RWDD4: variants seen among roughly 807,000 people sequenced by gnomAD.
The protein encoded by RWDD4 is RWD domain containing 4, also known as RWD domain-containing protein 4.
Under a neutral mutation model 30.0 loss-of-function variants are expected in RWDD4, and 16 were observed. The ratio of observed to expected loss-of-function variants is 0.53; its 90% CI spans 0.36 to 0.81. RWDD4 has a LOEUF of 0.81. Ranked by LOEUF, RWDD4 falls within the 30% of genes least tolerant of loss-of-function variation. The probability of loss-of-function intolerance (pLI) is 0.00; values close to 1 mark genes in which losing one functional copy is unlikely to be tolerated. For synonymous variants in RWDD4, 45 were observed against 72.1 expected (o/e 0.62, Z 1.90); for missense variants, 170 against 223.9 (o/e 0.76, Z 1.54).
At chr4:183,650,722 G>A (rs1734056738) in intron 4 of RWDD4, among the ~76,000 whole-genome samples, 2 of 150,340 alleles carry the variant, frequency 1.3e-5, no homozygotes, top group South Asian at 4.2e-4. Context: ...AAAATACTAG[G>A]TTCTATGATA....
chr4:183,656,076 T>C (rs947775765), intron 1 of RWDD4, 115 bp from the exon 2 acceptor site: 81 of 667,524 alleles, frequency 1.2e-4, no homozygotes, highest in Non-Finnish European at 1.7e-4. Context: ...CTAACTTATA[T>C]AACCTTAGAT....
rs552399775 is a variant in RWDD4, at chr4:183,642,680, C to G, written c.535-1212G>C. Among the ~76,000 whole-genome samples, 544 of 152,314 alleles carry G rather than the reference C, an allele frequency of 3.6e-3. 1 individual carries two copies. Among genetic ancestry groups the G allele is most frequent in the Non-Finnish European group, 6.3e-3 (428 of 68,034 alleles). ...TGGTAAACACAAGAAAATACAAGCA[C>G]ACATTCTCTTAGTGCTTTAAGAGTA... On this transcript the variant is annotated intron_variant, in intron 7 of 7. Coordinates refer to ENST00000326397, the MANE Select transcript of RWDD4 (RefSeq NM_152682.4).
At chr4:183,654,217 C>G (rs1734139261) in intron 2 of RWDD4, among the ~76,000 whole-genome samples, 1 of 152,052 alleles carries the variant, frequency 6.6e-6, no homozygotes, top group Non-Finnish European at 1.5e-5. Context: ...TTTGGAGTGT[C>G]AAGTGAAAAA....
chr4:183,654,589 C>CA (rs147698734), intron 2 of RWDD4, among the ~76,000 whole-genome samples: 2,824 of 152,318 alleles, frequency 0.019, 88 homozygotes, highest in African/African-American at 0.064. Context: ...TTCTGCACAA[C>CA]ATGCTCTAAA....
Position 183,646,489 on chromosome 4 carries a change from T to C in RWDD4, c.530A>G (p.Lys177Arg), listed in dbSNP as rs776885909. 1 of 1,612,076 alleles carries C rather than the reference T, an allele frequency of 6.2e-7. No individual in the cohort carries two copies. Among genetic ancestry groups the C allele is most frequent in the South Asian group, 1.1e-5 (1 of 90,354 alleles). ...PRGWNWVDVV[K>R]HLSKTGSKDD... ...GACTAGAATATAAATGTTATATACC[T>C]TCACAACATCAACCCAGTTCCAGCC... Residue 177 changes from lysine to arginine, a missense_variant and splice_region_variant, in exon 6 of 8, where the codon AAG becomes AGG. Transcript: ENST00000326397.
At chr4:183,653,386 C>A (rs1254938607) in intron 2 of RWDD4, among the ~76,000 whole-genome samples, 1 of 151,290 alleles carries the variant, frequency 6.6e-6, no homozygotes, top group African/African-American at 2.4e-5. Flanking sequence ...CTGGGCAACA[C>A]AGCAAGACCC....
chr4:183,642,949 CT>C (rs1733889088), intron 7 of RWDD4, among the ~76,000 whole-genome samples: 1 of 151,004 alleles, frequency 6.6e-6, no homozygotes, highest in Non-Finnish European at 1.5e-5. Flanking sequence ...GTCCCAGCTA[CT>C]TGGGAGGCTG....
At position 183,659,008 on chromosome 4, in the gene RWDD4, A is replaced by G. The variant is rs1014931750; in HGVS notation, c.-56T>C. 1 of 1,230,988 alleles carries G rather than the reference A, an allele frequency of 8.1e-7. No individual in the cohort carries two copies. The highest frequency in any genetic ancestry group is 1.0e-6 in the Non-Finnish European group (1 of 979,170). 76.3% of individuals were successfully genotyped at this position (1,230,988 alleles called of 1,614,324 possible). A position where few individuals can be genotyped will look rare whatever the true frequency, so the allele number is the denominator to read the frequency against. ...ACGGCGTTCGCAACAACGAAGAGAA[A>G]GCGAAGGCAGCGGCCCAGAGGCCGG... On this transcript the variant is annotated 5_prime_UTR_variant, in exon 1 of 8. Coordinates refer to ENST00000326397, the MANE Select transcript of RWDD4 (RefSeq NM_152682.4).
rs1004411078 is a variant in RWDD4 at position 183,657,734 on chromosome 4, T to C, written c.24+1195A>G. Among the ~76,000 whole-genome samples, 6 of 152,164 alleles carry C rather than the reference T, an allele frequency of 3.9e-5. No individual in the cohort carries two copies. The South Asian group carries it at 1.0e-3, about 26-fold the overall frequency. Reference sequence around the variant, plus strand: ...GGATAGTGAAGAGATTAACAAAGAATGGATATATGAAGACAAGCTAAAAGG... The same window carrying C: ...GGATAGTGAAGAGATTAACAAAGAACGGATATATGAAGACAAGCTAAAAGG... On this transcript the variant is annotated intron_variant, in intron 1 of 7. Transcript: ENST00000326397.
At position 183,655,916 on chromosome 4, in the gene RWDD4, A is replaced by C. The variant is rs561634297; in HGVS notation, c.70T>G (p.Phe24Val). The C allele has an allele frequency of 6.2e-7, 1 of 1,611,770 alleles. No individual in the cohort carries two copies. Among genetic ancestry groups the C allele is most frequent in the Admixed American group, 1.7e-5 (1 of 60,000 alleles). ...LRSIYEGDESFRELSPVSFQY... is the reference protein window; with the variant it reads ...LRSIYEGDESVRELSPVSFQY... ...AAAGAAACTGGACTTAATTCCCGGA[A>C]ACTTTCATCTCCTTCATAAATAGAG... is the stretch of plus-strand genomic sequence containing the variant. Residue 24 changes from phenylalanine (F) to valine (V), a missense_variant, in exon 2 of 8, where the codon TTC becomes GTC. By Grantham distance (50) the Phe-to-Val change is conservative. Coordinates refer to ENST00000326397, the MANE Select transcript of RWDD4 (RefSeq NM_152682.4).
At position 183,639,741 on chromosome 4, in the gene RWDD4, G is replaced by A. The variant is rs1434697136; in HGVS notation, c.*1695C>T. 6.6e-6 allele frequency: 1 copy of A among 152,544 alleles called. No individual in the cohort carries two copies. Among genetic ancestry groups the A allele is most frequent in the Non-Finnish European group, 1.5e-5 (1 of 68,022 alleles). The allele number at this position is 152,544 out of a possible 1,614,324, so 9.4% of individuals were successfully genotyped here. A position where few individuals can be genotyped will look rare whatever the true frequency, so the allele number is the denominator to read the frequency against. ...TACTGGGAGTGTTAAACAGATGACG[G>A]CAATATTGATGAGGCTGTTCAAGTG... On this transcript the variant is annotated 3_prime_UTR_variant, in exon 8 of 8. Transcript: ENST00000326397.
At chr4:183,646,740 T>C (rs190819589) in intron 5 of RWDD4, among the ~76,000 whole-genome samples, 34 of 152,332 alleles carry the variant, frequency 2.2e-4, no homozygotes, top group Admixed American at 7.2e-4. Context: ...ACTCCTTTTT[T>C]ACATTTATGA....
At chr4:183,654,902 C>CA (rs201421243) in intron 2 of RWDD4, among the ~76,000 whole-genome samples, 3 of 145,898 alleles carry the variant, frequency 2.1e-5, no homozygotes, top group East Asian at 2.0e-4. Context: ...AAATCTTTTA[C>CA]AAAAAAAACT....
In RWDD4 at chr4:183,658,874, C is replaced by T. The variant is rs1734290849; in HGVS notation, c.24+55G>A. The T allele has an allele frequency of 5.7e-6, 7 of 1,226,972 alleles. No individual in the cohort carries two copies. The South Asian group carries it at 2.4e-4, about 43-fold the overall frequency. 76.0% of individuals were successfully genotyped at this position (1,226,972 alleles called of 1,614,324 possible). On this transcript the variant is annotated intron_variant, in intron 1 of 7. Transcript: ENST00000326397. Reference sequence around the variant, plus strand: ...TCCGGGCACCAGGTCTCACGGGGGCCCGGGGCTGCGCGCCGCGCCCGCGCT... The same window carrying T: ...TCCGGGCACCAGGTCTCACGGGGGCTCGGGGCTGCGCGCCGCGCCCGCGCT...
chr4:183,655,698 C>T (rs73002730), intron 2 of RWDD4, among the ~76,000 whole-genome samples, 183 bp downstream of exon 2: 11,033 of 152,158 alleles, frequency 0.073, 1,340 homozygotes, highest in African/African-American at 0.25. Context: ...GTTTTTTAAG[C>T]TTCTGAATTA....
chr4:183,652,430 C>G (rs142291529), intron 2 of RWDD4, among the ~76,000 whole-genome samples: 1 of 140,884 alleles, frequency 7.1e-6, no homozygotes, highest in African/African-American at 2.6e-5. Context: ...GATCACGGGG[C>G]GGTCACAGCG....
intron 1 of RWDD4, among the ~76,000 whole-genome samples, chr4:183,656,663 G>T (rs1366261417): frequency 6.6e-6 from 1 of 152,176 alleles, no homozygotes; most frequent in Non-Finnish European, 1.5e-5. Flanking sequence ...TTTTCAAAAA[G>T]ATGCATGTCA....
chr4:183,641,130 A>G lies in RWDD4; in HGVS notation c.*306T>C, dbSNP rs1353953114. ...TTAAGAAAATAGCACATCCACCAGG[A>G]TAAGATCATTTAAATTAACACTGAT... On this transcript the variant is annotated 3_prime_UTR_variant, in exon 8 of 8. Transcript: ENST00000326397. 1.8e-5 allele frequency: 7 copies of G among 385,914 alleles called. No homozygotes were observed. In the East Asian group the frequency reaches 2.4e-4, roughly 13 times the overall value. The allele number at this position is 385,914 out of a possible 1,614,324, so 23.9% of individuals were successfully genotyped here.
chr4:183,647,303 T>C (rs1423932318), intron 5 of RWDD4, among the ~76,000 whole-genome samples: 1 of 152,136 alleles, frequency 6.6e-6, no homozygotes, highest in Admixed American at 6.6e-5. Context: ...ACAAGTACAT[T>C]ATATGAATTT....
Sources: gnomAD v4.1 joint callset for allele counts (sites outside exome capture counted in the v4.1 genomes callset) on GRCh38, gnomAD v4.1.1 for gene constraint, MANE v1.5 for transcripts, NCBI Gene and HGNC (gene_info 2026-07-23, HGNC 2026-07-21) for gene names.